Variants in ADAM17 observed in about 807,000 individuals in gnomAD.
ADAM17 encodes disintegrin and metalloproteinase domain-containing protein 17.
ADAM17 carries 39 observed loss-of-function variants against 96.7 expected under a neutral mutation model. That is an observed-to-expected ratio of 0.40 (90% CI 0.31 to 0.53). ADAM17 has a LOEUF of 0.53. ADAM17 is among the 20% of genes least tolerant of loss of function. ADAM17 has a pLI of 0.44. For synonymous variants in ADAM17, 344 were observed against 359.2 expected, an observed-to-expected ratio of 0.96 and a Z score of 0.48; for missense variants, 777 against 1,013.2, an observed-to-expected ratio of 0.77 and a Z score of 3.17.
chr2:9,543,134 C>T lies in ADAM17; in HGVS notation c.230+19G>A. 1 of 1,561,718 alleles carries T rather than the reference C, an allele frequency of 6.4e-7. No homozygotes were observed. Among genetic ancestry groups the T allele is most frequent in the Non-Finnish European group, 8.7e-7 (1 of 1,155,986 alleles). ...AGCCCCCAGTGCCCCAACATTATTC[C>T]ATGAATAATTCAAATTACCTTTTCA... On this transcript the variant is annotated intron_variant, in intron 2 of 18. Transcript: ENST00000310823.
intron 4 of ADAM17, among the ~76,000 whole-genome samples, 190 bp downstream of exon 4, chr2:9,535,644 A>T (rs1664930963): frequency 6.6e-6 from 1 of 152,214 alleles, no homozygotes; most frequent in Non-Finnish European, 1.5e-5. Flanking sequence ...GGTACTTAGA[A>T]ATACAGGGTG....
In ADAM17 at chr2:9,505,226, T is replaced by C. The variant is rs1663314702; in HGVS notation, c.1484A>G (p.Tyr495Cys). 2 of 1,614,112 alleles carry C rather than the reference T, an allele frequency of 1.2e-6. No individual in the cohort carries two copies. The highest frequency in any genetic ancestry group is 1.3e-5 in the African/African-American group (1 of 74,942). ...GTTGCAGCAGGTGTCGTTGTTCAGA[T>C]ACATGATGCCAGGATCACACTCTTC... is the stretch of plus-strand genomic sequence containing the variant. ...EGEECDPGIM[Y>C]LNNDTCCNSD... The change falls in exon 12 of 19, where the codon TAT becomes TGT. Residue 495 changes from tyrosine (Y) to cysteine (C), a missense_variant. Transcript: ENST00000310823.
At chr2:9,493,058 T>TA in intron 16 of ADAM17, 72 bp from the exon 17 acceptor site, 2 of 1,281,502 alleles carry the variant, frequency 1.6e-6, no homozygotes, top group South Asian at 1.4e-5. Context: ...GCTCTTAGGA[T>TA]ATTACCATTG....
intron 5 of ADAM17, among the ~76,000 whole-genome samples, chr2:9,526,857 A>G (rs2125026606): frequency 6.6e-6 from 1 of 152,300 alleles, no homozygotes; most frequent in African/African-American, 2.4e-5. Context: ...ATGCTGGGCT[A>G]TGAAGCTGTC....
rs372298022 is a variant in ADAM17, at chr2:9,545,906, CA to C, written c.98-2622del. 3.0e-3 allele frequency among the ~76,000 whole-genome samples: 460 copies of C among 151,998 alleles called. 2 individuals are homozygous for C. Among genetic ancestry groups the C allele is most frequent in the African/African-American group, 0.011 (443 of 41,474 alleles). ...CCAAGGAGTTCGAGACCAGCCTGGG[CA>C]AAATAGTGAGACCCTCATCTCTCCA... On this transcript the variant is annotated intron_variant, in intron 1 of 18. Transcript: ENST00000310823.
chr2:9,521,843 G>C (rs62117549), intron 7 of ADAM17: 28,782 of 103,528 alleles, frequency 0.28, 2,875 homozygotes, highest in Middle Eastern at 0.4. Context: ...GAGTCTCTCT[G>C]CCTGCCTGCC....
At position 9,539,083 on chromosome 2, in the gene ADAM17, G is replaced by A. The variant is rs28699365; in HGVS notation, c.231-2255C>T. Among the ~76,000 whole-genome samples the A allele has an allele frequency of 8.5e-3, 1,290 of 151,388 alleles. 15 individuals carry two copies. The highest frequency in any genetic ancestry group is 0.03 in the African/African-American group (1,230 of 41,234). ...ACAGTATATACTCCGCAGCTTTTTC[G>A]TTATTTAAAAATAAGATAATTTCTT... On this transcript the variant is annotated intron_variant, in intron 2 of 18. Coordinates refer to ENST00000310823, the MANE Select transcript of ADAM17 (RefSeq NM_003183.6).
intron 12 of ADAM17, among the ~76,000 whole-genome samples, chr2:9,503,439 C>G (rs899151521): frequency 6.6e-6 from 1 of 152,168 alleles, no homozygotes; most frequent in Non-Finnish European, 1.5e-5. Flanking sequence ...ATTCATATCC[C>G]AAGACTGTCA....
chr2:9,496,552 A>G (rs779808106), intron 14 of ADAM17: 2 of 152,860 alleles, frequency 1.3e-5, no homozygotes, highest in Non-Finnish European at 2.9e-5. Context: ...CAGGGGTTCC[A>G]AAATAGCACA....
At chr2:9,515,390 AAAGG>A (rs1163202956) in intron 10 of ADAM17, among the ~76,000 whole-genome samples, 1 of 152,048 alleles carries the variant, frequency 6.6e-6, no homozygotes, top group African/African-American at 2.4e-5. Flanking sequence ...TTTACCAACT[AAAGG>A]ATATCTTGGT....
chr2:9,555,495 C>T lies in ADAM17; in HGVS notation c.97+14G>A. 1 of 1,579,762 alleles carries T rather than the reference C, an allele frequency of 6.3e-7. No homozygotes were observed. The highest frequency in any genetic ancestry group is 2.3e-5 in the East Asian group (1 of 43,298). ...TCCAGGCGCCGGCCTAAGCCAACTC[C>T]CCTGGGTCTTTACCGAGTCTCTGGT... On this transcript the variant is annotated intron_variant, in intron 1 of 18. Coordinates refer to ENST00000310823, the MANE Select transcript of ADAM17 (RefSeq NM_003183.6).
chr2:9,488,970 TCA>T lies in ADAM17; in HGVS notation c.*1205_*1206del, dbSNP rs1433659116. The T allele has an allele frequency of 6.6e-6, 1 of 152,212 alleles. No individual in the cohort carries two copies. The highest frequency in any genetic ancestry group is 2.4e-5 in the African/African-American group (1 of 41,446). The allele number at this position is 152,212 out of a possible 1,614,324, so 9.4% of individuals were successfully genotyped here. ...AATCCAGGCTAATGATTTTTATCCT[TCA>T]CACAGTAAATGCAGCCCATCCAGAA... On this transcript the variant is annotated 3_prime_UTR_variant, in exon 19 of 19. Coordinates refer to ENST00000310823, the MANE Select transcript of ADAM17 (RefSeq NM_003183.6).
intron 4 of ADAM17, among the ~76,000 whole-genome samples, chr2:9,533,829 G>C (rs1227137224): frequency 6.6e-6 from 1 of 152,172 alleles, no homozygotes; most frequent in Non-Finnish European, 1.5e-5. Flanking sequence ...AAGCCACAAA[G>C]TAGAGGAGAA....
At chr2:9,510,165 A>G in intron 10 of ADAM17, 34 bp from the exon 11 acceptor site, 1 of 1,611,914 alleles carries the variant, frequency 6.2e-7, no homozygotes, top group African/African-American at 1.3e-5. Context: ...ATTATTTCTC[A>G]ATATCCAGCC....
At chr2:9,533,530 A>T (rs1288770182) in intron 4 of ADAM17, among the ~76,000 whole-genome samples, 1 of 152,222 alleles carries the variant, frequency 6.6e-6, no homozygotes, top group Non-Finnish European at 1.5e-5. Flanking sequence ...CTGGTAACAG[A>T]GTGAGACTCA....
chr2:9,508,785 G>A (rs973699659), intron 11 of ADAM17, among the ~76,000 whole-genome samples: 1 of 152,114 alleles, frequency 6.6e-6, no homozygotes, highest in Non-Finnish European at 1.5e-5. Context: ...TAGTGAACAT[G>A]ATTAGAAATG....
rs1344174752 is a variant in ADAM17 at position 9,494,624 on chromosome 2, C to A, written c.1914+13G>T. 1.1e-5 allele frequency: 17 copies of A among 1,612,838 alleles called. No individual in the cohort carries two copies. Among genetic ancestry groups the A allele is most frequent in the Admixed American group, 1.7e-5 (1 of 59,748 alleles). On this transcript the variant is annotated intron_variant, in intron 15 of 18. Transcript: ENST00000310823. Reference sequence around the variant, plus strand: ...TCTGGCTGTTACAGAAAAAGCTGTACATAAATACTCACATTCATGTCACAA... The same window carrying A: ...TCTGGCTGTTACAGAAAAAGCTGTAAATAAATACTCACATTCATGTCACAA...
intron 13 of ADAM17, among the ~76,000 whole-genome samples, chr2:9,500,968 C>T (rs561419004): frequency 6.6e-6 from 1 of 152,304 alleles, no homozygotes; most frequent in South Asian, 2.1e-4. Flanking sequence ...CATGGCTTTT[C>T]TGAACCATGT....
chr2:9,545,502 G>C (rs368421476), intron 1 of ADAM17, among the ~76,000 whole-genome samples: 5 of 149,720 alleles, frequency 3.3e-5, no homozygotes, highest in African/African-American at 1.3e-4. Flanking sequence ...CCTGGGAGGC[G>C]GAGGTTGCAG....
Sources: allele counts gnomAD v4.1 joint callset (sites outside exome capture counted in the v4.1 genomes callset), GRCh38; gene constraint gnomAD v4.1.1; transcripts MANE v1.5; gene names NCBI Gene and HGNC (gene_info 2026-07-23, HGNC 2026-07-21).